Variants in ADCY8 observed in about 807,000 individuals in gnomAD.
ADCY8 encodes adenylate cyclase type 8.
A neutral mutation model predicts 119.7 loss-of-function variants in ADCY8; 51 were observed. That is an observed-to-expected ratio of 0.43 (90% confidence interval 0.34 to 0.54). The LOEUF is 0.54. Ranked by LOEUF, ADCY8 falls within the 20% of genes least tolerant of loss-of-function variation. ADCY8 has a pLI of 0.03. For synonymous variants in ADCY8, 665 were observed against 651.0 expected (o/e 1.02, Z -0.33); for missense variants, 1,383 against 1,598.8 (o/e 0.87, Z 2.30).
At chr8:130,807,456 G>A (rs1816002401) in intron 14 of ADCY8, among the ~76,000 whole-genome samples, 1 of 152,202 alleles carries the variant, frequency 6.6e-6, no homozygotes, top group Admixed American at 6.5e-5. Context: ...GGCTTTAGGA[G>A]GTGACTAAGT....
chr8:130,828,170 T>G (rs1816723004), intron 12 of ADCY8, among the ~76,000 whole-genome samples: 1 of 152,190 alleles, frequency 6.6e-6, no homozygotes, highest in African/African-American at 2.4e-5. Context: ...TGTAGTTTCC[T>G]CCTTTCCTGT....
Position 130,903,764 on chromosome 8 carries a change from G to C in ADCY8, c.1911+8C>G, listed in dbSNP as rs910756653. 3 of 1,609,894 alleles carry C rather than the reference G, an allele frequency of 1.9e-6. No homozygotes were observed. In the African/African-American group the frequency reaches 4.0e-5, roughly 22 times the overall value. On this transcript the variant is annotated splice_region_variant and intron_variant, in intron 7 of 17. Coordinates refer to ENST00000286355, the MANE Select transcript of ADCY8 (RefSeq NM_001115.3). ...ATGGCCAAGCAGAAGGAGGAAGAGA[G>C]GACTTACATTCTGTTTCCCCACGAT...
intron 2 of ADCY8, among the ~76,000 whole-genome samples, chr8:130,957,161 T>C (rs1821454339): frequency 6.6e-6 from 1 of 152,178 alleles, no homozygotes; most frequent in Admixed American, 6.5e-5. Context: ...ACTTGTTGAA[T>C]GGCTTTGACC....
chr8:130,913,391 G>A (rs1424162698), intron 5 of ADCY8, among the ~76,000 whole-genome samples: 1 of 151,784 alleles, frequency 6.6e-6, no homozygotes, highest in East Asian at 1.9e-4. Flanking sequence ...CTATGTCCAT[G>A]AGTTCAATTG....
intron 1 of ADCY8, among the ~76,000 whole-genome samples, chr8:130,992,613 C>T (rs1164367342): frequency 6.6e-6 from 1 of 151,438 alleles, no homozygotes; most frequent in Non-Finnish European, 1.5e-5. Flanking sequence ...TGAGATTTTC[C>T]TATGTTGGCC....
chr8:130,818,665 A>C (rs1261095359), intron 13 of ADCY8, among the ~76,000 whole-genome samples: 1 of 152,232 alleles, frequency 6.6e-6, no homozygotes, highest in African/African-American at 2.4e-5. Context: ...TCTGAGTCAC[A>C]AGGGAAAACC....
intron 1 of ADCY8, among the ~76,000 whole-genome samples, chr8:131,002,057 T>C (rs950806900): frequency 6.5e-4 from 99 of 152,260 alleles, no homozygotes; most frequent in African/African-American, 2.4e-3. Flanking sequence ...ACAGTTTAGC[T>C]TAGTGGCTAA....
chr8:130,819,273 T>A (rs963990117), intron 13 of ADCY8, among the ~76,000 whole-genome samples: 2 of 152,174 alleles, frequency 1.3e-5, no homozygotes, highest in African/African-American at 4.8e-5. Flanking sequence ...TTTCAAAGCC[T>A]TTTGAAAGTT....
chr8:130,826,227 A>G (rs1259924311), intron 12 of ADCY8, among the ~76,000 whole-genome samples: 1 of 152,202 alleles, frequency 6.6e-6, no homozygotes, highest in Non-Finnish European at 1.5e-5. Flanking sequence ...TCAAAAGGTT[A>G]TCAAGATGTT....
chr8:130,815,004 G>A (rs1266036887), intron 13 of ADCY8, among the ~76,000 whole-genome samples: 1 of 152,182 alleles, frequency 6.6e-6, no homozygotes, highest in South Asian at 2.1e-4. Context: ...ATTTAGAGAT[G>A]GAAACTTTGG....
At chr8:130,992,984 T>C (rs1216868956) in intron 1 of ADCY8, among the ~76,000 whole-genome samples, 4 of 152,040 alleles carry the variant, frequency 2.6e-5, no homozygotes. Context: ...AAAAACAAAA[T>C]CTTGAAAACA....
chr8:130,846,888 T>TTCCTTCCTTCCTGCCTGCCTGCC (rs56726941), intron 11 of ADCY8, among the ~76,000 whole-genome samples: 1 of 19,834 alleles, frequency 5.0e-5, no homozygotes, highest in African/African-American at 2.5e-4. Context: ...TTCCCTTCCC[T>TTCCTTCCTTCCTGCCTGCCTGCC]TTCCTTCCTT....
chr8:130,967,323 C>A (rs1219945073), intron 2 of ADCY8, among the ~76,000 whole-genome samples: 1 of 152,176 alleles, frequency 6.6e-6, no homozygotes, highest in African/African-American at 2.4e-5. Flanking sequence ...AATTTTGGTT[C>A]TGCTCAGAAA....
chr8:130,870,000 TTCC>T (rs1222856989), intron 8 of ADCY8, among the ~76,000 whole-genome samples: 2 of 136,366 alleles, frequency 1.5e-5, no homozygotes, highest in Middle Eastern at 3.3e-3. Context: ...TCCTCTCCTC[TTCC>T]TCTTCTTTCT....
At chr8:130,922,494 C>T (rs892601616) in intron 5 of ADCY8, among the ~76,000 whole-genome samples, 5 of 152,082 alleles carry the variant, frequency 3.3e-5, no homozygotes, top group Non-Finnish European at 7.3e-5. Context: ...TGAGTGGACA[C>T]AGCACATGTT....
In ADCY8 at chr8:130,858,896, GTA is replaced by G. The variant is rs920609566; in HGVS notation, c.2210+8948_2210+8949del. ...CCCTTTGAAATACTCCCATTATCAT[GTA>G]TATGTGTGTGTGTGTGTGTGTGTGT... On this transcript the variant is annotated intron_variant, in intron 9 of 17. Transcript: ENST00000286355. 1.2e-4 allele frequency among the ~76,000 whole-genome samples: 17 copies of G among 145,758 alleles called. No homozygotes were observed. The South Asian group carries it at 2.0e-3, about 17-fold the overall frequency.
Position 130,783,792 on chromosome 8 carries a change from T to C in ADCY8, c.3167A>G (p.Lys1056Arg), listed in dbSNP as rs1231009517. 2 of 1,613,244 alleles carry C rather than the reference T, an allele frequency of 1.2e-6. No individual in the cohort carries two copies. Among genetic ancestry groups the C allele is most frequent in the Non-Finnish European group, 1.7e-6 (2 of 1,179,556 alleles). ...AGCCAGAGCACACAAATGTCCCCAC[T>C]TGTCTTCACATTGCTGAAGCAAACA... The part of the protein sequence containing the change: ...LSPEKQQCED[K>R]WGHLCALADF... The change falls in exon 17 of 18, where the codon AAG (lysine) becomes AGG (arginine). Residue 1056 changes from lysine to arginine, a missense_variant. By Grantham distance (26) the Lys-to-Arg change is conservative. Transcript: ENST00000286355.
chr8:130,866,636 T>A (rs1436121801), intron 9 of ADCY8, among the ~76,000 whole-genome samples: 2 of 152,208 alleles, frequency 1.3e-5, no homozygotes, highest in African/African-American at 4.8e-5. Flanking sequence ...ATCAAAACCT[T>A]TTCTGCAAAT....
At chr8:130,922,229 A>G (rs62518122) in intron 5 of ADCY8, among the ~76,000 whole-genome samples, 1 of 132,950 alleles carries the variant, frequency 7.5e-6, no homozygotes, top group Non-Finnish European at 1.6e-5. Flanking sequence ...TTTTTTTTTA[A>G]TTGATCATTC....
Sources: allele counts gnomAD v4.1 joint callset (sites outside exome capture counted in the v4.1 genomes callset), GRCh38; gene constraint gnomAD v4.1.1; transcripts MANE v1.5; gene names NCBI Gene and HGNC (gene_info 2026-07-23, HGNC 2026-07-21).